CMYA5: variants seen among roughly 807,000 people sequenced by gnomAD.
CMYA5 encodes the protein cardiomyopathy associated 5.
Under a neutral mutation model 318.9 loss-of-function variants are expected in CMYA5, and 246 were observed. That is an observed-to-expected ratio of 0.77 (90% confidence interval 0.70 to 0.86). The LOEUF (loss-of-function observed/expected upper bound fraction) is 0.86, where lower values mean the gene tolerates loss of function less well. Ranked by LOEUF, CMYA5 falls within the 40% of genes least tolerant of loss-of-function variation. CMYA5 has a pLI of 0.00. For synonymous variants in CMYA5, 1,641 were observed against 1,729.5 expected (o/e 0.95, Z 1.27); for missense variants, 4,589 against 4,678.2 (o/e 0.98, Z 0.56).
chr5:79,735,721 C>G lies in CMYA5; in HGVS notation c.6956C>G (p.Ser2319Cys), dbSNP rs1828046197. 1.3e-6 allele frequency: 2 copies of G among 1,597,570 alleles called. No homozygotes were observed. The highest frequency in any genetic ancestry group is 1.4e-5 in the African/African-American group (1 of 73,852). Residue 2319 changes from serine to cysteine, a missense_variant, in exon 2 of 13, where the codon TCT becomes TGT. By Grantham distance (112) the Ser-to-Cys change is moderately radical. This residue lies in a region of CMYA5 where 2,431 missense variants were observed against 2,495.1 expected (regional missense o/e 0.97). Coordinates refer to ENST00000446378, the MANE Select transcript of CMYA5 (RefSeq NM_153610.5). ...GATGGTGAGAACCTTGAAATTCAAT[C>G]TTATTCACTAATCGGTGAGAAATTG... The part of the protein sequence containing the change: ...SADGENLEIQ[S>C]YSLIGEKLVM...
At position 79,738,284 on chromosome 5, in the gene CMYA5, C is replaced by G; in HGVS notation, c.9519C>G (p.Thr3173=). 6.2e-7 allele frequency: 1 copy of G among 1,613,306 alleles called. No individual in the cohort carries two copies. The highest frequency in any genetic ancestry group is 8.5e-7 in the Non-Finnish European group (1 of 1,179,700). ...GVLSRTQIFP[T]TIKVIDPEFL... is the part of the protein sequence containing the mutation. Reference sequence around the variant, plus strand: ...TATCACGAACCCAGATATTTCCTACCACTATTAAAGTCATTGATCCAGAAT... The same window carrying G: ...TATCACGAACCCAGATATTTCCTACGACTATTAAAGTCATTGATCCAGAAT... The change falls in exon 2 of 13, where the codon ACC becomes ACG. Residue 3173 remains threonine (T), a synonymous_variant. Transcript: ENST00000446378.
At chr5:79,722,546 G>A (rs562811246) in intron 1 of CMYA5, among the ~76,000 whole-genome samples, 26 of 151,928 alleles carry the variant, frequency 1.7e-4, no homozygotes, top group African/African-American at 3.9e-4. Context: ...GCATGGCGGC[G>A]CATGCCTGTA....
At position 79,745,296 on chromosome 5, in the gene CMYA5, T is replaced by C; in HGVS notation, c.10809T>C (p.Tyr3603=). The change falls in exon 4 of 13, where the codon TAT becomes TAC. Residue 3603 remains tyrosine, a synonymous_variant. Transcript: ENST00000446378. ...TGATGAAGAAGGTTTTAGCACAGTA[T>C]GATGAGAAAGCCCAGAGCTTTGAGG... ...EEMMKKVLAQ[Y]DEKAQSFEEV... 1 of 1,613,532 alleles carries C rather than the reference T, an allele frequency of 6.2e-7. No individual in the cohort carries two copies. The highest frequency in any genetic ancestry group is 8.5e-7 in the Non-Finnish European group (1 of 1,179,684).
At position 79,718,108 on chromosome 5, in the gene CMYA5, C is replaced by T. The variant is rs1827554677; in HGVS notation, c.150-10807C>T. Among the ~76,000 whole-genome samples the T allele has an allele frequency of 6.0e-5, 3 of 49,762 alleles. 1 individual carries two copies. The highest frequency in any genetic ancestry group is 1.0e-3 in the South Asian group (2 of 1,964). 32.6% of individuals were successfully genotyped at this position (49,762 alleles called of 152,430 possible). A position where few individuals can be genotyped will look rare whatever the true frequency, so the allele number is the denominator to read the frequency against. On this transcript the variant is annotated intron_variant, in intron 1 of 12. Coordinates refer to ENST00000446378, the MANE Select transcript of CMYA5 (RefSeq NM_153610.5). ...TTCACCGTTTTAGCCGGGATGGTCT[C>T]GATCTCCTGACCTCGTGATCCGCCC...
Position 79,752,658 on chromosome 5 carries a change from A to C in CMYA5, c.10992-18A>C. ...GTTAATAATTTTTTAACTTATGTAGAGCTCTATTCCCCGATAGGTTGCTTT... is the reference window on the plus strand; with the variant it reads ...GTTAATAATTTTTTAACTTATGTAGCGCTCTATTCCCCGATAGGTTGCTTT... On this transcript the variant is annotated intron_variant, in intron 5 of 12. Coordinates refer to ENST00000446378, the MANE Select transcript of CMYA5 (RefSeq NM_153610.5). 6.5e-7 allele frequency: 1 copy of C among 1,538,838 alleles called. No homozygotes were observed. Among genetic ancestry groups the C allele is most frequent in the African/African-American group, 1.4e-5 (1 of 72,872 alleles).
chr5:79,710,529 T>C (rs1827369157), intron 1 of CMYA5, among the ~76,000 whole-genome samples: 1 of 152,164 alleles, frequency 6.6e-6, no homozygotes, highest in African/African-American at 2.4e-5. Flanking sequence ...TTACAAAACA[T>C]ATCATTTGTG....
In CMYA5 at chr5:79,706,741, C is replaced by T. The variant is rs59492303; in HGVS notation, c.149+16685C>T. On this transcript the variant is annotated intron_variant, in intron 1 of 12. Coordinates refer to ENST00000446378, the MANE Select transcript of CMYA5 (RefSeq NM_153610.5). ...GCTCTCTGTGGGGGGAAGCACATCA[C>T]GCGCTGTTGGCTCATTCTGGCAGTG... Among the ~76,000 whole-genome samples, 2,705 of 152,156 alleles carry T rather than the reference C, an allele frequency of 0.018. 200 individuals are homozygous for T. The East Asian group carries it at 0.26, about 15-fold the overall frequency.
intron 7 of CMYA5, among the ~76,000 whole-genome samples, chr5:79,759,397 A>G (rs1369045174): frequency 6.6e-6 from 1 of 152,246 alleles, no homozygotes; most frequent in Non-Finnish European, 1.5e-5. Context: ...GTCTTTGCTA[A>G]AAGCCACCAA....
chr5:79,698,311 C>G (rs973360499), intron 1 of CMYA5, among the ~76,000 whole-genome samples: 1 of 105,538 alleles, frequency 9.5e-6, no homozygotes, highest in African/African-American at 9.0e-5. Context: ...AAACAAAAAA[C>G]AAAAACAAAA....
At chr5:79,755,470 A>G (rs1039533901) in intron 6 of CMYA5, among the ~76,000 whole-genome samples, 1 of 151,952 alleles carries the variant, frequency 6.6e-6, no homozygotes, top group Non-Finnish European at 1.5e-5. Context: ...TATTTTTAGT[A>G]GACATGGGGT....
chr5:79,724,048 T>A (rs1195009448), intron 1 of CMYA5, among the ~76,000 whole-genome samples: 1 of 152,030 alleles, frequency 6.6e-6, no homozygotes, highest in Non-Finnish European at 1.5e-5. Context: ...CCGGGTGTGG[T>A]ACCCCAGGCC....
intron 1 of CMYA5, among the ~76,000 whole-genome samples, chr5:79,715,538 C>T (rs552149354): frequency 3.9e-5 from 6 of 152,104 alleles, no homozygotes; most frequent in Admixed American, 3.3e-4. Flanking sequence ...CCACCCGCCT[C>T]GGCCTCCCAA....
In CMYA5 at chr5:79,795,393, T is replaced by G. The variant is rs142134861; in HGVS notation, c.11963+1783T>G. ...TTGATTCTACTCACAGAATCTAGGT[T>G]TTCAGATGTCACAATTGGGAAGGAG... On this transcript the variant is annotated intron_variant, in intron 12 of 12. Transcript: ENST00000446378. 4.6e-3 allele frequency among the ~76,000 whole-genome samples: 701 copies of G among 152,284 alleles called. 4 individuals carry two copies. The highest frequency in any genetic ancestry group is 0.014 in the African/African-American group (577 of 41,566).
At chr5:79,747,594 A>T (rs548623628) in intron 5 of CMYA5, among the ~76,000 whole-genome samples, 5 of 152,208 alleles carry the variant, frequency 3.3e-5, no homozygotes, top group African/African-American at 1.2e-4. Context: ...CCCTCCTTTG[A>T]TTTTGTTTTG....
chr5:79,738,492 C>T lies in CMYA5; in HGVS notation c.9727C>T (p.Leu3243Phe), dbSNP rs1236782848. ...AGGAATATATTTTGAGAAGTACATA[C>T]TCAAAGATGACATTCTCCATGACAC... ...GTGIYFEKYI[L>F]KDDILHDTSL... The change falls in exon 2 of 13, where the codon CTC becomes TTC. Residue 3243 changes from leucine (L) to phenylalanine (F), a missense_variant. Physicochemically the swap from Leu to Phe is conservative, Grantham distance 22. Around this residue, in one of 3 missense-constraint regions of CMYA5, gnomAD observed 2,431 missense variants for 2,495.1 expected, o/e 0.97. Transcript: ENST00000446378. The T allele has an allele frequency of 1.2e-6, 2 of 1,613,390 alleles. No homozygotes were observed. Among genetic ancestry groups the T allele is most frequent in the Non-Finnish European group, 1.7e-6 (2 of 1,179,846 alleles).
intron 1 of CMYA5, among the ~76,000 whole-genome samples, chr5:79,703,717 G>A (rs77939242): frequency 0.021 from 3,225 of 152,164 alleles, 116 homozygotes; most frequent in African/African-American, 0.072. Context: ...GGAGGTTTGG[G>A]GGACATTTCT....
At chr5:79,776,568 G>T (rs549243966) in intron 9 of CMYA5, among the ~76,000 whole-genome samples, 9 of 152,004 alleles carry the variant, frequency 5.9e-5, no homozygotes, top group African/African-American at 1.9e-4. Context: ...AATCAACCGG[G>T]ATGCTTACTA....
In CMYA5 at chr5:79,729,504, A is replaced by T. The variant is rs1478588345; in HGVS notation, c.739A>T (p.Thr247Ser). Residue 247 changes from threonine (T) to serine (S), a missense_variant, in exon 2 of 13, where the codon ACA (threonine) becomes TCA (serine). Transcript: ENST00000446378. ...EELIPLQFYG[T>S]LPKGYVIKEI... Reference sequence around the variant, plus strand: ...ATTAATTCCTCTACAATTTTATGGAACATTGCCAAAGGGTTATGTAATTAA... The same window carrying T: ...ATTAATTCCTCTACAATTTTATGGATCATTGCCAAAGGGTTATGTAATTAA... The T allele has an allele frequency of 1.2e-6, 2 of 1,610,820 alleles. No individual in the cohort carries two copies. Among genetic ancestry groups the T allele is most frequent in the South Asian group, 2.2e-5 (2 of 90,390 alleles).
chr5:79,689,968 G>T lies in CMYA5; in HGVS notation c.61G>T (p.Glu21Ter). 1 of 1,276,194 alleles carries T rather than the reference G, an allele frequency of 7.8e-7. No individual in the cohort carries two copies. The highest frequency in any genetic ancestry group is 1.1e-6 in the Non-Finnish European group (1 of 904,490). The allele number at this position is 1,276,194 out of a possible 1,614,324, so 79.1% of individuals were successfully genotyped here. A position where few individuals can be genotyped will look rare whatever the true frequency, so the allele number is the denominator to read the frequency against. Residue 21 changes from glutamate to a stop codon, truncating the protein, a stop_gained, in exon 1 of 13, where the codon GAG (glutamate) becomes TAG (stop). Transcript: ENST00000446378. LOFTEE classifies it high-confidence loss of function. ...CTTTCTCGGCTCCGACGGGGACGAG[G>T]AGGCGACCCGGGAGCTGGAGACCGA... ...ESFLGSDGDE[E>*]ATRELETEEE...
Sources: allele counts gnomAD v4.1 joint callset (sites outside exome capture counted in the v4.1 genomes callset), GRCh38; gene constraint gnomAD v4.1.1; regional missense constraint gnomAD v4.1.1; transcripts MANE v1.5; gene names NCBI Gene and HGNC (gene_info 2026-07-23, HGNC 2026-07-21).